BICDL2: variants seen among roughly 807,000 people sequenced by gnomAD.
The protein encoded by BICDL2 is BICD family like cargo adaptor 2.
BICDL2 carries 62 observed loss-of-function variants against 56.6 expected under a neutral mutation model. The observed-to-expected ratio is 1.10, with a 90% CI of 0.89 to 1.35. BICDL2 has a LOEUF of 1.35. Ranked by LOEUF, BICDL2 falls within the 40% of genes most tolerant of loss-of-function variation. BICDL2 has a pLI of 0.00. For synonymous variants in BICDL2, 358 were observed against 319.8 expected, an observed-to-expected ratio of 1.12 and a Z score of -1.27; for missense variants, 808 against 684.5, an observed-to-expected ratio of 1.18 and a Z score of -2.01.
intron 1 of BICDL2, chr16:3,036,633 AC>A: frequency 4.5e-6 from 2 of 447,912 alleles, no homozygotes; most frequent in Non-Finnish European, 8.9e-6. Flanking sequence ...CACGCGAGAG[AC>A]AGGGACCTGG....
intron 5 of BICDL2, 27 bp from the exon 6 acceptor site, chr16:3,029,766 G>C (rs1434533846): frequency 6.9e-7 from 1 of 1,452,724 alleles, no homozygotes; most frequent in East Asian, 2.8e-5. Flanking sequence ...AGACGGAAGC[G>C]CGGGCGGTCA....
chr16:3,028,557 G>A (rs1955594371), intron 8 of BICDL2, 89 bp from the exon 9 acceptor site: 1 of 1,534,148 alleles, frequency 6.5e-7, no homozygotes, highest in Non-Finnish European at 8.7e-7. Flanking sequence ...CGGGCGGGAG[G>A]AGGGCTGCAA....
intron 5 of BICDL2, 46 bp from the exon 6 acceptor site, chr16:3,029,785 C>G: frequency 7.0e-7 from 1 of 1,426,736 alleles, no homozygotes; most frequent in Non-Finnish European, 9.2e-7. Flanking sequence ...CAGCGGGACG[C>G]ACGCAACGCC....
Position 3,035,540 on chromosome 16 carries a change from T to C in BICDL2, c.-30-14A>G. 1.9e-6 allele frequency: 3 copies of C among 1,561,132 alleles called. No homozygotes were observed. The highest frequency in any genetic ancestry group is 2.6e-6 in the Non-Finnish European group (3 of 1,156,086). On this transcript the variant is annotated splice_polypyrimidine_tract_variant and intron_variant, in intron 1 of 9. Transcript: ENST00000572449. ...GGGGACAGGTGGCTGCGGGACACTCTACTCTGCAGCCTGACAGGGGCTCAC... is the reference window on the plus strand; with the variant it reads ...GGGGACAGGTGGCTGCGGGACACTCCACTCTGCAGCCTGACAGGGGCTCAC...
chr16:3,030,428 T>TC, intron 5 of BICDL2, 21 bp downstream of exon 5: 1 of 1,595,098 alleles, frequency 6.3e-7, no homozygotes, highest in South Asian at 1.1e-5. Flanking sequence ...GCAGTTGTAG[T>TC]CCCCCAGCCC....
chr16:3,027,706 TTTC>T lies in BICDL2; in HGVS notation c.*397_*399del, dbSNP rs371473002. 37 of 1,497,534 alleles carry T rather than the reference TTTC, an allele frequency of 2.5e-5. No homozygotes were observed. The highest frequency in any genetic ancestry group is 2.0e-4 in the Admixed American group (8 of 40,840). The allele number at this position is 1,497,534 out of a possible 1,614,324, so 92.8% of individuals were successfully genotyped here. On this transcript the variant is annotated 3_prime_UTR_variant, in exon 10 of 10. Coordinates refer to ENST00000572449, the MANE Select transcript of BICDL2 (RefSeq NM_001369667.1). ...CTCAGGGTTTTAGAGTGTTTTTCAT[TTTC>T]TTTTTTTTTTTTTTTTTACAATAAA...
At chr16:3,035,924 G>A (rs1955728158) in intron 1 of BICDL2, 1 of 291,994 alleles carries the variant, frequency 3.4e-6, no homozygotes, top group Non-Finnish European at 6.7e-6. Context: ...TTGGAGTTGG[G>A]CCCAGCCTCT....
intron 7 of BICDL2, 67 bp downstream of exon 7, chr16:3,029,213 T>C: frequency 1.9e-6 from 3 of 1,551,402 alleles, no homozygotes; most frequent in Non-Finnish European, 2.6e-6. Context: ...GGCTGGGAGG[T>C]GGACATGGGA....
chr16:3,034,192 C>T (rs138116643), intron 2 of BICDL2, among the ~76,000 whole-genome samples: 50 of 152,170 alleles, frequency 3.3e-4, no homozygotes, highest in Admixed American at 1.2e-3. Context: ...CCTGGTGTTC[C>T]GCTATACTGC....
At chr16:3,033,039 T>C (rs1297020730) in intron 2 of BICDL2, 1 of 152,502 alleles carries the variant, frequency 6.6e-6, no homozygotes, top group Non-Finnish European at 1.5e-5. Context: ...GCACGGTGGC[T>C]CACACCTATA....
In BICDL2 at chr16:3,028,117, G is replaced by T; in HGVS notation, c.1516C>A (p.Arg506=). The change falls in exon 10 of 10, where the codon CGA becomes AGA. Residue 506 remains arginine (R), a synonymous_variant. Coordinates refer to ENST00000572449, the MANE Select transcript of BICDL2 (RefSeq NM_001369667.1). ...TCTGGGCCCAGCCGTCAGGTCCTTC[G>T]GAAGAGGTTACTGAGAAAGCCACCG... ...PAGGFLSNLF[R]RT 1 of 1,433,066 alleles carries T rather than the reference G, an allele frequency of 7.0e-7. No individual in the cohort carries two copies. Among genetic ancestry groups the T allele is most frequent in the South Asian group, 1.5e-5 (1 of 65,354 alleles). 88.8% of individuals were successfully genotyped at this position (1,433,066 alleles called of 1,614,324 possible). A position where few individuals can be genotyped will look rare whatever the true frequency, so the allele number is the denominator to read the frequency against.
intron 2 of BICDL2, chr16:3,031,905 CA>C (rs1428538330): frequency 1.0e-5 from 2 of 197,916 alleles, no homozygotes; most frequent in African/African-American, 2.3e-5. Flanking sequence ...TAAGGACACA[CA>C]GTCATTTATT....
intron 1 of BICDL2, 178 bp downstream of exon 1, chr16:3,036,716 C>A (rs1470421677): frequency 6.7e-6 from 3 of 445,562 alleles, no homozygotes; most frequent in South Asian, 1.6e-5. Context: ...CGTCGGAAGC[C>A]CAGAGAAGCG....
chr16:3,030,261 C>G, intron 5 of BICDL2, 188 bp downstream of exon 5: 1 of 727,916 alleles, frequency 1.4e-6, no homozygotes. Context: ...CTCTGATGCA[C>G]TCTAAGAGCA....
intron 2 of BICDL2, chr16:3,031,525 G>A: frequency 2.2e-6 from 1 of 447,212 alleles, no homozygotes; most frequent in South Asian, 5.9e-5. Context: ...TGTCCCAGGG[G>A]CTCTGGAGGC....
chr16:3,031,747 T>C, intron 2 of BICDL2: 2 of 389,170 alleles, frequency 5.1e-6, no homozygotes, highest in Non-Finnish European at 9.1e-6. Flanking sequence ...TGGATGAAGG[T>C]GACAATTGCC....
Position 3,029,178 on chromosome 16 carries a change from A to G in BICDL2, c.1107+102T>C. 4 of 1,413,928 alleles carry G rather than the reference A, an allele frequency of 2.8e-6. No individual in the cohort carries two copies. The Admixed American group carries it at 8.7e-5, about 31-fold the overall frequency. 87.6% of individuals were successfully genotyped at this position (1,413,928 alleles called of 1,614,324 possible). On this transcript the variant is annotated intron_variant, in intron 7 of 9. Coordinates refer to ENST00000572449, the MANE Select transcript of BICDL2 (RefSeq NM_001369667.1). ...AGTTTGTTGAGATGAAAGCCGATCCAGGTATAGGGAGCTTAGTGGGCAAAG... is the reference window on the plus strand; with the variant it reads ...AGTTTGTTGAGATGAAAGCCGATCCGGGTATAGGGAGCTTAGTGGGCAAAG...
intron 5 of BICDL2, chr16:3,030,094 A>AC: frequency 2.2e-6 from 1 of 450,532 alleles, no homozygotes; most frequent in Non-Finnish European, 3.9e-6. Flanking sequence ...AGGCAAGCTG[A>AC]CCCCAAAGTG....
rs869043817 is a variant in BICDL2, at chr16:3,034,691, TCC to T, written c.282+522_282+523del. ...TTCCTTCCTTCCTTCCTTCCTTCCTTCCCCTTCCTTCCTTCCTTCCTTTTTTT... is the reference window on the plus strand; with the variant it reads ...TTCCTTCCTTCCTTCCTTCCTTCCTTCCTTCCTTCCTTCCTTCCTTTTTTT... On this transcript the variant is annotated intron_variant, in intron 2 of 9. Coordinates refer to ENST00000572449, the MANE Select transcript of BICDL2 (RefSeq NM_001369667.1). Among the ~76,000 whole-genome samples the T allele has an allele frequency of 2.2e-3, 257 of 118,722 alleles. 1 individual carries two copies. Among genetic ancestry groups the T allele is most frequent in the African/African-American group, 7.6e-3 (228 of 29,904 alleles). The allele number at this position is 118,722 out of a possible 152,430, so 77.9% of individuals were successfully genotyped here.
Sources: allele counts gnomAD v4.1 joint callset (sites outside exome capture counted in the v4.1 genomes callset), GRCh38; gene constraint gnomAD v4.1.1; transcripts MANE v1.5; gene names NCBI Gene and HGNC (gene_info 2026-07-23, HGNC 2026-07-21).